VGLL4: variants seen among roughly 807,000 people sequenced by gnomAD.
VGLL4 encodes the protein vestigial like family member 4.
In VGLL4, 7 loss-of-function variants were observed where a neutral mutation model predicts 21.0. The ratio of observed to expected loss-of-function variants is 0.33; its 90% CI spans 0.19 to 0.63. VGLL4 has a LOEUF of 0.63. Ranked by LOEUF, VGLL4 falls within the 20% of genes least tolerant of loss-of-function variation. The pLI is 0.78. For missense variants in VGLL4, 394 were observed against 425.7 expected (o/e 0.93, Z 0.66); for synonymous variants, 222 against 173.2 (o/e 1.28, Z -2.21).
At chr3:11,609,161 C>G (rs187877533) in intron 1 of VGLL4, among the ~76,000 whole-genome samples, 3 of 152,296 alleles carry the variant, frequency 2.0e-5, no homozygotes, top group East Asian at 1.9e-4. Flanking sequence ...AGCCACCGAG[C>G]CTGGCCTAAC....
At chr3:11,665,652 C>T (rs984656191) in intron 2 of VGLL4, among the ~76,000 whole-genome samples, 1 of 152,232 alleles carries the variant, frequency 6.6e-6, no homozygotes. Flanking sequence ...AAAGTCTCCA[C>T]AGAACACCAC....
chr3:11,689,007 T>TGA (rs1439986526), intron 2 of VGLL4, among the ~76,000 whole-genome samples: 2 of 151,510 alleles, frequency 1.3e-5, no homozygotes, highest in Non-Finnish European at 2.9e-5. Context: ...GGGGACTGAG[T>TGA]GAGACTCCAT....
In VGLL4 at chr3:11,630,197, C is replaced by A. The variant is rs551863838; in HGVS notation, c.82+13240G>T. On this transcript the variant is annotated intron_variant, in intron 1 of 4. Transcript: ENST00000430365. ...AACTTGCCAAAAGTACGGAATATAT[C>A]TTTTTTTCACATAGTACCAATCAAC... 2.0e-5 allele frequency among the ~76,000 whole-genome samples: 3 copies of A among 152,266 alleles called. 1 individual carries two copies. The highest frequency in any genetic ancestry group is 4.8e-5 in the African/African-American group (2 of 41,554).
intron 2 of VGLL4, among the ~76,000 whole-genome samples, chr3:11,573,360 AAAGAAAGAAAG>A: frequency 9.4e-6 from 1 of 105,844 alleles, no homozygotes; most frequent in East Asian, 2.4e-4. Context: ...AGAAAGAAAG[AAAGAAAGAAAG>A]AAAGAAAGAA....
chr3:11,606,962 C>A (rs1275044950), intron 1 of VGLL4, among the ~76,000 whole-genome samples: 1 of 152,208 alleles, frequency 6.6e-6, no homozygotes, highest in East Asian at 1.9e-4. Flanking sequence ...TTGAAGTCAG[C>A]GAGACCAAGA....
chr3:11,712,132 A>C (rs1435880072), intron 1 of VGLL4, among the ~76,000 whole-genome samples: 1 of 152,126 alleles, frequency 6.6e-6, no homozygotes, highest in Non-Finnish European at 1.5e-5. Flanking sequence ...ACCATCTGTT[A>C]AGTCAACAGA....
intron 2 of VGLL4, among the ~76,000 whole-genome samples, chr3:11,575,944 G>A (rs577636513): frequency 1.2e-4 from 18 of 152,328 alleles, no homozygotes; most frequent in Non-Finnish European, 1.3e-4. Context: ...CGCGGAGCCC[G>A]TCCAGGTTGC....
chr3:11,668,516 C>G (rs2076159367), intron 2 of VGLL4, among the ~76,000 whole-genome samples: 1 of 152,152 alleles, frequency 6.6e-6, no homozygotes. Flanking sequence ...GCCCAGGAAT[C>G]TTAATTTAAC....
chr3:11,569,810 G>A (rs1023024480), intron 2 of VGLL4, among the ~76,000 whole-genome samples: 4 of 152,198 alleles, frequency 2.6e-5, no homozygotes, highest in African/African-American at 7.2e-5. Flanking sequence ...GGGCCCAGGA[G>A]GTGGAGGCTA....
At chr3:11,714,533 A>T (rs1459933992) in intron 1 of VGLL4, among the ~76,000 whole-genome samples, 1 of 151,584 alleles carries the variant, frequency 6.6e-6, no homozygotes, top group African/African-American at 2.4e-5. Context: ...TCTACTAAAA[A>T]TACAAAAAAT....
chr3:11,663,161 C>A (rs2076059920), intron 2 of VGLL4, among the ~76,000 whole-genome samples: 1 of 151,894 alleles, frequency 6.6e-6, no homozygotes, highest in Non-Finnish European at 1.5e-5. Context: ...GTAGAATATA[C>A]GAGTGAAAAG....
At chr3:11,666,078 G>A (rs1460626215) in intron 2 of VGLL4, among the ~76,000 whole-genome samples, 3 of 152,036 alleles carry the variant, frequency 2.0e-5, no homozygotes, top group East Asian at 1.9e-4. Flanking sequence ...GTGAAACCCC[G>A]TCTCTACTAA....
chr3:11,560,816 G>A (rs1349239754), intron 3 of VGLL4, among the ~76,000 whole-genome samples: 4 of 152,164 alleles, frequency 2.6e-5, no homozygotes, highest in Admixed American at 1.3e-4. Context: ...AGGTGGCAGC[G>A]CAGAGAGAAC....
At chr3:11,617,056 T>C (rs1336171938) in intron 1 of VGLL4, among the ~76,000 whole-genome samples, 1 of 151,812 alleles carries the variant, frequency 6.6e-6, no homozygotes, top group African/African-American at 2.4e-5. Context: ...TAATTTGAAA[T>C]AAAAAATAAA....
At chr3:11,572,686 CTTG>C (rs1362289762) in intron 2 of VGLL4, among the ~76,000 whole-genome samples, 1 of 152,178 alleles carries the variant, frequency 6.6e-6, no homozygotes, top group African/African-American at 2.4e-5. Context: ...CACTGTATGT[CTTG>C]TTGTACAACC....
In VGLL4 at chr3:11,630,610, C is replaced by T. The variant is rs372680492; in HGVS notation, c.82+12827G>A. Among the ~76,000 whole-genome samples, 26 of 152,232 alleles carry T rather than the reference C, an allele frequency of 1.7e-4. No homozygotes were observed. In the South Asian group the frequency reaches 5.2e-3, roughly 30 times the overall value. On this transcript the variant is annotated intron_variant, in intron 1 of 4. Coordinates refer to ENST00000430365, the MANE Select transcript of VGLL4 (RefSeq NM_001128219.3). Reference sequence around the variant, plus strand: ...GCAGTGAGCCAAGATCACGCCACTACACTCCAGCCTGGACAACAAGAGTGA... The same window carrying T: ...GCAGTGAGCCAAGATCACGCCACTATACTCCAGCCTGGACAACAAGAGTGA...
intron 2 of VGLL4, among the ~76,000 whole-genome samples, chr3:11,573,383 GAAAGAAAGAAAGAAAA>G (rs1480737574): frequency 1.4e-5 from 2 of 145,984 alleles, no homozygotes; most frequent in African/African-American, 5.0e-5. Flanking sequence ...AAGAAAGAAA[GAAAGAAAGAAAGAAAA>G]TGGCCCCATA....
intron 2 of VGLL4, chr3:11,582,501 G>A: frequency 1.3e-6 from 1 of 758,786 alleles, no homozygotes; most frequent in Non-Finnish European, 2.1e-6. Flanking sequence ...CCTGGGGTAG[G>A]TCAGGAACTC....
intron 2 of VGLL4, among the ~76,000 whole-genome samples, chr3:11,694,313 T>C (rs1304276372): frequency 6.6e-6 from 1 of 152,192 alleles, no homozygotes; most frequent in African/African-American, 2.4e-5. Context: ...ACTATGTTTG[T>C]ATTTTTCTGG....
Sources: gnomAD v4.1 joint callset for allele counts (sites outside exome capture counted in the v4.1 genomes callset) on GRCh38, gnomAD v4.1.1 for gene constraint, MANE v1.5 for transcripts, NCBI Gene and HGNC (gene_info 2026-07-23, HGNC 2026-07-21) for gene names.